The following GRM8 variants were observed in gnomAD, a reference collection of about 807,000 sequenced individuals.
GRM8 encodes metabotropic glutamate receptor 8.
GRM8 carries 47 observed loss-of-function variants against 87.2 expected under a neutral mutation model. That is an observed-to-expected ratio of 0.54 (90% CI 0.43 to 0.69). GRM8 has a LOEUF of 0.69. Ranked by LOEUF, GRM8 falls within the 30% of genes least tolerant of loss-of-function variation. GRM8 has a pLI of 0.00. For synonymous variants in GRM8, 396 were observed against 404.5 expected, an observed-to-expected ratio of 0.98 and a Z score of 0.25; for missense variants, 1,019 against 1,139.2, an observed-to-expected ratio of 0.89 and a Z score of 1.52.
At chr7:126,849,790 C>G (rs1384922266) in intron 6 of GRM8, among the ~76,000 whole-genome samples, 1 of 152,008 alleles carries the variant, frequency 6.6e-6, no homozygotes, top group Non-Finnish European at 1.5e-5. Context: ...ACCTTCATAC[C>G]CATCTCCTCT....
At chr7:126,479,741 TAGACAGACAGAC>T (rs3993604) in intron 9 of GRM8, among the ~76,000 whole-genome samples, 20 of 148,450 alleles carry the variant, frequency 1.3e-4, no homozygotes, top group African/African-American at 2.9e-4. Context: ...GACAGAGAGA[TAGACAGACAGAC>T]AGACAGACAG....
rs545578157 is a variant in GRM8 at position 126,687,967 on chromosome 7, T to A, written c.1358-78469A>T. Among the ~76,000 whole-genome samples the A allele has an allele frequency of 4.6e-5, 7 of 152,244 alleles. No individual in the cohort carries two copies. The South Asian group carries it at 1.5e-3, about 32-fold the overall frequency. Reference sequence around the variant, plus strand: ...CAAATCACAAGCTCATTTTTTCTATTGGGTTGTATTTTTAATACTCATTGA... The same window carrying A: ...CAAATCACAAGCTCATTTTTTCTATAGGGTTGTATTTTTAATACTCATTGA... On this transcript the variant is annotated intron_variant, in intron 7 of 10. Transcript: ENST00000339582.
At chr7:126,452,699 A>G (rs981312206) in intron 9 of GRM8, among the ~76,000 whole-genome samples, 10 of 151,744 alleles carry the variant, frequency 6.6e-5, no homozygotes, top group African/African-American at 2.4e-4. Context: ...TAAACAGTAA[A>G]CTTGGTAATA....
At position 126,446,307 on chromosome 7, in the gene GRM8, C is replaced by A. The variant is rs371783697; in HGVS notation, c.2496G>T (p.Met832Ile). 73 of 1,606,198 alleles carry A rather than the reference C, an allele frequency of 4.5e-5. 1 individual carries two copies. The highest frequency in any genetic ancestry group is 6.1e-5 in the Non-Finnish European group (72 of 1,173,674). Residue 832 changes from methionine to isoleucine, a missense_variant, in exon 10 of 11, where the codon ATG becomes ATT. Physicochemically the swap from Met to Ile is conservative, Grantham distance 10 (BLOSUM62 1). Coordinates refer to ENST00000339582, the MANE Select transcript of GRM8 (RefSeq NM_000845.3). ...MSLSASVSLG[M>I]LYMPKVYIII... ...TAATATAAACCTTGGGCATATAGAG[C>A]ATGCCCAGAGATACTGAAGCACTTA...
chr7:126,761,829 C>A (rs534507243), intron 7 of GRM8, among the ~76,000 whole-genome samples: 1 of 152,278 alleles, frequency 6.6e-6, no homozygotes, highest in East Asian at 1.9e-4. Flanking sequence ...GTCATGAATA[C>A]CTTTTCCACA....
intron 6 of GRM8, among the ~76,000 whole-genome samples, chr7:126,829,555 G>A (rs1795151218): frequency 1.3e-5 from 2 of 149,526 alleles, no homozygotes; most frequent in African/African-American, 5.0e-5. Context: ...CATTTGCTTG[G>A]TAGATCTTCC....
rs140893470 is a variant in GRM8, at chr7:127,147,026, C to T, written c.511-40314G>A. ...AGCTCTTTGGTAGGCATTAGGAAAG[C>T]ATCTCTCCGTAAGTTAGATGGTATA... On this transcript the variant is annotated intron_variant, in intron 2 of 10. Transcript: ENST00000339582. Among the ~76,000 whole-genome samples the T allele has an allele frequency of 1.6e-4, 25 of 152,172 alleles. No individual in the cohort carries two copies. The East Asian group carries it at 2.5e-3, about 15-fold the overall frequency.
At position 126,749,894 on chromosome 7, in the gene GRM8, T is replaced by A. The variant is rs149272916; in HGVS notation, c.1357+19971A>T. Among the ~76,000 whole-genome samples, 339 of 152,288 alleles carry A rather than the reference T, an allele frequency of 2.2e-3. 1 individual carries two copies. The highest frequency in any genetic ancestry group is 4.6e-3 in the Admixed American group (71 of 15,278). On this transcript the variant is annotated intron_variant, in intron 7 of 10. Coordinates refer to ENST00000339582, the MANE Select transcript of GRM8 (RefSeq NM_000845.3). ...AACTGTCATATATTGCTGTTAGTGA[T>A]GCAAAATGGTATGGTCACTTTAGAA...
chr7:126,904,700 G>A lies in GRM8; in HGVS notation c.728-17C>T. The A allele has an allele frequency of 1.2e-6, 2 of 1,609,710 alleles. No homozygotes were observed. The highest frequency in any genetic ancestry group is 1.7e-6 in the Non-Finnish European group (2 of 1,176,964). On this transcript the variant is annotated splice_polypyrimidine_tract_variant and intron_variant, in intron 3 of 10. Coordinates refer to ENST00000339582, the MANE Select transcript of GRM8 (RefSeq NM_000845.3). ...AAACACCACCTATTTAAAAAAGAAG[G>A]GAGGTGGTGATTCAGAAAGAGCATT...
intron 7 of GRM8, among the ~76,000 whole-genome samples, chr7:126,687,723 A>G (rs1808345118): frequency 6.6e-6 from 1 of 151,442 alleles, no homozygotes; most frequent in Non-Finnish European, 1.5e-5. Context: ...AGTGTGCAAG[A>G]ATCCTACAGC....
intron 7 of GRM8, among the ~76,000 whole-genome samples, chr7:126,733,612 CA>C (rs887686947): frequency 1.3e-4 from 19 of 151,474 alleles, no homozygotes; most frequent in Non-Finnish European, 8.8e-5. Flanking sequence ...ATTTATTCCA[CA>C]AAAAACAGTG....
intron 7 of GRM8, among the ~76,000 whole-genome samples, chr7:126,740,248 A>T (rs907336173): frequency 4.6e-5 from 7 of 152,074 alleles, no homozygotes; most frequent in Non-Finnish European, 7.4e-5. Context: ...CTCAAGACTC[A>T]AGCTGATATC....
At chr7:126,928,488 G>T (rs1011573421) in intron 3 of GRM8, among the ~76,000 whole-genome samples, 1 of 151,874 alleles carries the variant, frequency 6.6e-6, no homozygotes, top group Non-Finnish European at 1.5e-5. Flanking sequence ...CCTGGGCAAC[G>T]TGATGAAACC....
intron 9 of GRM8, chr7:126,447,248 T>C (rs1340544325): frequency 1.3e-5 from 2 of 151,908 alleles, no homozygotes; most frequent in Non-Finnish European, 1.5e-5. Context: ...GGTTATGGTA[T>C]AGAAACAGAA....
chr7:126,800,346 G>T (rs1032662413), intron 6 of GRM8, among the ~76,000 whole-genome samples: 6 of 151,988 alleles, frequency 3.9e-5, no homozygotes, highest in Non-Finnish European at 7.4e-5. Flanking sequence ...CACCCATCAG[G>T]CTTCCTTCTC....
At chr7:126,866,888 C>T (rs1284039170) in intron 6 of GRM8, among the ~76,000 whole-genome samples, 1 of 151,996 alleles carries the variant, frequency 6.6e-6, no homozygotes, top group Non-Finnish European at 1.5e-5. Flanking sequence ...CCGCGCCCTG[C>T]CTTGACTCAA....
At chr7:126,461,558 G>A (rs976593703) in intron 9 of GRM8, among the ~76,000 whole-genome samples, 5 of 151,492 alleles carry the variant, frequency 3.3e-5, no homozygotes, top group African/African-American at 9.7e-5. Context: ...CTGCTTCCAG[G>A]TCATTACAGA....
At chr7:126,477,745 A>T (rs1208026220) in intron 9 of GRM8, among the ~76,000 whole-genome samples, 1 of 152,074 alleles carries the variant, frequency 6.6e-6, no homozygotes, top group East Asian at 1.9e-4. Context: ...AAAAAAGGAA[A>T]GAAATTTTAA....
At chr7:127,143,968 A>C (rs989835571) in intron 2 of GRM8, among the ~76,000 whole-genome samples, 2 of 152,104 alleles carry the variant, frequency 1.3e-5, no homozygotes, top group African/African-American at 4.8e-5. Context: ...ACCCATAAGT[A>C]GAGTAGGAGA....
Sources: allele counts gnomAD v4.1 joint callset (sites outside exome capture counted in the v4.1 genomes callset), GRCh38; gene constraint gnomAD v4.1.1; transcripts MANE v1.5; gene names NCBI Gene and HGNC (gene_info 2026-07-23, HGNC 2026-07-21).